Variants in SUGCT observed in about 807,000 individuals in gnomAD.
SUGCT encodes the protein succinyl-CoA:glutarate-CoA transferase.
In SUGCT, 41 loss-of-function variants were observed where a neutral mutation model predicts 55.0. The observed-to-expected ratio is 0.74, with a 90% CI of 0.58 to 0.97. The LOEUF is 0.97. Among genes scored for constraint, SUGCT ranks in the 50% least tolerant of loss-of-function variants. The probability of loss-of-function intolerance (pLI) is 0.00; values close to 1 mark genes in which losing one functional copy is unlikely to be tolerated. For missense variants in SUGCT, 568 were observed against 547.8 expected, an observed-to-expected ratio of 1.04 and a Z score of -0.37; for synonymous variants, 187 against 200.4, an observed-to-expected ratio of 0.93 and a Z score of 0.56.
At chr7:40,302,145 C>T (rs1040445637) in intron 8 of SUGCT, among the ~76,000 whole-genome samples, 8 of 152,144 alleles carry the variant, frequency 5.3e-5, no homozygotes, top group Non-Finnish European at 1.0e-4. Flanking sequence ...TTTCTTAATG[C>T]TTTGCATTAG....
chr7:40,201,661 A>C (rs1302546972), intron 6 of SUGCT, among the ~76,000 whole-genome samples: 1 of 152,212 alleles, frequency 6.6e-6, no homozygotes, highest in Admixed American at 6.5e-5. Context: ...TTAGCATATA[A>C]ATATAGGGTT....
At chr7:40,564,301 G>A (rs750365317) in intron 12 of SUGCT, among the ~76,000 whole-genome samples, 1 of 152,182 alleles carries the variant, frequency 6.6e-6, no homozygotes, top group African/African-American at 2.4e-5. Context: ...GCGTGAATCC[G>A]GGAAGCGGAG....
chr7:40,498,740 G>A (rs1445246114), intron 12 of SUGCT, among the ~76,000 whole-genome samples: 4 of 152,196 alleles, frequency 2.6e-5, no homozygotes, highest in Admixed American at 1.3e-4. Flanking sequence ...AACAGCCAAT[G>A]CCTAGTAGTA....
chr7:40,643,748 C>T (rs962969837), intron 12 of SUGCT, among the ~76,000 whole-genome samples: 6 of 152,108 alleles, frequency 3.9e-5, no homozygotes, highest in African/African-American at 9.7e-5. Context: ...TACTGAGGCC[C>T]GTAAAATGGA....
At chr7:41,009,099 A>T in the SUGCT span, among the ~76,000 whole-genome samples, 1 of 151,772 alleles carries the variant, frequency 6.6e-6, no homozygotes, top group Admixed American at 6.6e-5. Flanking sequence ...CCTTAATCCC[A>T]GAGCTTTGGA....
intron 9 of SUGCT, among the ~76,000 whole-genome samples, chr7:40,385,359 C>T (rs1362241513): frequency 1.3e-5 from 2 of 151,930 alleles, no homozygotes; most frequent in African/African-American, 2.4e-5. Flanking sequence ...TTGGCTTCTT[C>T]GGCTGTAAAA....
intron 9 of SUGCT, among the ~76,000 whole-genome samples, chr7:40,442,303 A>AGCTT (rs1290849627): frequency 1.3e-5 from 2 of 152,184 alleles, no homozygotes; most frequent in Non-Finnish European, 1.5e-5. Context: ...GAAGTCAGTT[A>AGCTT]GCTTGTGAAA....
At chr7:40,462,929 C>T (rs2151453489) in intron 11 of SUGCT, among the ~76,000 whole-genome samples, 1 of 152,320 alleles carries the variant, frequency 6.6e-6, no homozygotes, top group South Asian at 2.1e-4. Flanking sequence ...AAAACTATTA[C>T]AGTTATAGGC....
chr7:40,832,951 G>A (rs1345826220), intron 13 of SUGCT, among the ~76,000 whole-genome samples: 2 of 152,006 alleles, frequency 1.3e-5, no homozygotes, highest in Admixed American at 6.6e-5. Flanking sequence ...TGGGATTACA[G>A]GCGTGAGTCA....
intron 11 of SUGCT, among the ~76,000 whole-genome samples, chr7:40,478,425 G>T (rs567400042): frequency 1.3e-5 from 2 of 152,246 alleles, no homozygotes; most frequent in South Asian, 4.1e-4. Flanking sequence ...TCATCATTAT[G>T]TGCTTTTATT....
intron 9 of SUGCT, among the ~76,000 whole-genome samples, chr7:40,441,976 G>A (rs2151413631): frequency 6.6e-6 from 1 of 152,156 alleles, no homozygotes; most frequent in Admixed American, 6.6e-5. Context: ...ATGACTCATG[G>A]GTCTGGGTAG....
rs193217414 is a variant in SUGCT, at chr7:40,498,558, C to T, written c.1089+2172C>T. On this transcript the variant is annotated intron_variant, in intron 12 of 13. Transcript: ENST00000335693. ...CTATCTTCAGGGCTGGTTGTAAAAC[C>T]CTTGGTGATCTGAGGGAACTCAGTG... Among the ~76,000 whole-genome samples, 434 of 152,228 alleles carry T rather than the reference C, an allele frequency of 2.9e-3. 1 individual carries two copies. Among genetic ancestry groups the T allele is most frequent in the African/African-American group, 9.6e-3 (399 of 41,506 alleles).
chr7:40,254,043 G>C (rs1307302762), intron 7 of SUGCT, among the ~76,000 whole-genome samples: 1 of 152,198 alleles, frequency 6.6e-6, no homozygotes, highest in Non-Finnish European at 1.5e-5. Context: ...AAGCTCATAT[G>C]ATATTTCATT....
At chr7:40,575,899 G>A (rs1796719710) in intron 12 of SUGCT, among the ~76,000 whole-genome samples, 1 of 149,800 alleles carries the variant, frequency 6.7e-6, no homozygotes, top group Non-Finnish European at 1.5e-5. Flanking sequence ...AGCCGAGATT[G>A]TGCCACTGCA....
chr7:40,474,462 A>T (rs1475151758), intron 11 of SUGCT, among the ~76,000 whole-genome samples: 2 of 152,208 alleles, frequency 1.3e-5, no homozygotes, highest in Non-Finnish European at 2.9e-5. Context: ...TTATCCCCCA[A>T]CTACTATCCT....
chr7:40,894,882 C>T, the SUGCT span, among the ~76,000 whole-genome samples: 4 of 152,124 alleles, frequency 2.6e-5, no homozygotes, highest in East Asian at 5.8e-4. Context: ...ATTAGTTCGG[C>T]CACGTAGAAA....
At chr7:40,838,117 A>G (rs12019351) in intron 13 of SUGCT, among the ~76,000 whole-genome samples, 2 of 152,130 alleles carry the variant, frequency 1.3e-5, no homozygotes, top group African/African-American at 4.8e-5. Context: ...TGAGATTTCT[A>G]TCGCTCCACT....
intron 12 of SUGCT, among the ~76,000 whole-genome samples, chr7:40,529,547 C>T (rs888116324): frequency 6.6e-5 from 10 of 152,154 alleles, no homozygotes; most frequent in South Asian, 2.1e-4. Context: ...TAGCAGACTG[C>T]GCAGATCGCA....
intron 9 of SUGCT, among the ~76,000 whole-genome samples, chr7:40,362,230 C>A (rs1429539483): frequency 6.6e-6 from 1 of 151,990 alleles, no homozygotes; most frequent in Non-Finnish European, 1.5e-5. Flanking sequence ...ACCAGCCTGA[C>A]CAACATGGCA....
Sources: gnomAD v4.1 joint callset for allele counts (sites outside exome capture counted in the v4.1 genomes callset) on GRCh38, gnomAD v4.1.1 for gene constraint, MANE v1.5 for transcripts, NCBI Gene and HGNC (gene_info 2026-07-23, HGNC 2026-07-21) for gene names.